NPEPPS: variants seen among roughly 807,000 people sequenced by gnomAD.
The protein encoded by NPEPPS is aminopeptidase puromycin sensitive, also known as puromycin-sensitive aminopeptidase.
NPEPPS carries 14 observed loss-of-function variants against 115.5 expected under a neutral mutation model. The ratio of observed to expected loss-of-function variants is 0.12; its 90% CI spans 0.08 to 0.19. The LOEUF is 0.19. Ranked by LOEUF, NPEPPS falls within the 10% of genes least tolerant of loss-of-function variation. The pLI is 1.00. For missense variants in NPEPPS, 523 were observed against 1,110.8 expected, an observed-to-expected ratio of 0.47 and a Z score of 7.52; for synonymous variants, 285 against 390.6, an observed-to-expected ratio of 0.73 and a Z score of 3.19.
At chr17:47,616,196 T>TA (rs1007156507) in intron 19 of NPEPPS, among the ~76,000 whole-genome samples, 3 of 152,112 alleles carry the variant, frequency 2.0e-5, no homozygotes, top group Admixed American at 6.6e-5. Context: ...CACAGCTAGT[T>TA]AGAGGCAAAA....
chr17:47,585,649 C>T lies in NPEPPS; in HGVS notation c.798C>T (p.Val266=), dbSNP rs752791856. The change falls in exon 6 of 23, where the codon GTC becomes GTT. Residue 266 remains valine (V), a synonymous_variant. Coordinates refer to ENST00000322157, the MANE Select transcript of NPEPPS (RefSeq NM_006310.4). ...CAAGGTCAAAAGATGGTGTGTGTGT[C>T]CGTGTTTACACTCCTGTTGGCAAAG... The part of the protein sequence containing the change: ...VETRSKDGVC[V]RVYTPVGKAE... 5 of 1,613,724 alleles carry T rather than the reference C, an allele frequency of 3.1e-6. No individual in the cohort carries two copies. Among genetic ancestry groups the T allele is most frequent in the Non-Finnish European group, 4.2e-6 (5 of 1,179,876 alleles).
At chr17:47,533,517 AT>A (rs1361191505) in intron 1 of NPEPPS, among the ~76,000 whole-genome samples, 1 of 149,880 alleles carries the variant, frequency 6.7e-6, no homozygotes. Context: ...TAAAAAAAAC[AT>A]TTGTTTCTTT....
intron 17 of NPEPPS, among the ~76,000 whole-genome samples, chr17:47,606,959 C>G (rs1000526490): frequency 3.9e-5 from 6 of 151,946 alleles, no homozygotes; most frequent in Admixed American, 3.9e-4. Flanking sequence ...CTTTGGGAGG[C>G]TGAGGCGGGT....
chr17:47,582,623 G>C, intron 4 of NPEPPS, 119 bp from the exon 5 acceptor site: 1 of 749,350 alleles, frequency 1.3e-6, no homozygotes. Context: ...TGGCACTGAA[G>C]AGAAAGTAAA....
At chr17:47,595,495 T>C (rs1305520719) in intron 12 of NPEPPS, among the ~76,000 whole-genome samples, 2 of 152,242 alleles carry the variant, frequency 1.3e-5, no homozygotes, top group Non-Finnish European at 2.9e-5. Context: ...TATCTTTTAT[T>C]ATAATTTGTA....
intron 1 of NPEPPS, among the ~76,000 whole-genome samples, chr17:47,523,301 C>G (rs1907292849): frequency 6.9e-6 from 1 of 145,724 alleles, no homozygotes; most frequent in African/African-American, 2.6e-5. Flanking sequence ...AATTCCTTTA[C>G]ATTATCTTTG....
At chr17:47,531,956 C>T (rs1907814923) in intron 1 of NPEPPS, among the ~76,000 whole-genome samples, 1 of 152,140 alleles carries the variant, frequency 6.6e-6, no homozygotes, top group African/African-American at 2.4e-5. Context: ...ATGGGAGTCC[C>T]CGCTCTGCCT....
At chr17:47,597,059 A>AT in intron 13 of NPEPPS, among the ~76,000 whole-genome samples, 1 of 152,122 alleles carries the variant, frequency 6.6e-6, no homozygotes, top group Non-Finnish European at 1.5e-5. Context: ...AAAAAAAAAA[A>AT]AAATCAATGT....
At chr17:47,589,748 C>A (rs1197991449) in intron 9 of NPEPPS, among the ~76,000 whole-genome samples, 1 of 152,128 alleles carries the variant, frequency 6.6e-6, no homozygotes, top group Non-Finnish European at 1.5e-5. Context: ...CATTACTGAA[C>A]TGCATTTTTG....
chr17:47,608,644 G>A (rs1042157747), intron 17 of NPEPPS, among the ~76,000 whole-genome samples: 1 of 152,128 alleles, frequency 6.6e-6, no homozygotes, highest in Non-Finnish European at 1.5e-5. Context: ...ATCAACCAGT[G>A]ACTGAGTGTA....
chr17:47,533,932 T>C (rs1908005107), intron 1 of NPEPPS, among the ~76,000 whole-genome samples: 1 of 152,212 alleles, frequency 6.6e-6, no homozygotes, highest in Non-Finnish European at 1.5e-5. Flanking sequence ...GATTGGACTT[T>C]TAAATTGTAC....
Position 47,605,449 on chromosome 17 carries a change from T to A in NPEPPS, c.1992T>A (p.Thr664=), listed in dbSNP as rs1351176388. ...DLSCNLGILS[T]LLSHTDFYEE... ...GCTGTAACCTGGGGATTCTCTCAAC[T>A]CTCTTGTCCCACACAGACTTCTATG... Residue 664 remains threonine, a synonymous_variant, in exon 17 of 23, where the codon ACT becomes ACA. Transcript: ENST00000322157. 1 of 1,609,666 alleles carries A rather than the reference T, an allele frequency of 6.2e-7. No homozygotes were observed. The highest frequency in any genetic ancestry group is 8.5e-7 in the Non-Finnish European group (1 of 1,177,788).
In NPEPPS at chr17:47,601,608, G is replaced by C; in HGVS notation, c.1601G>C (p.Gly534Ala). 3 of 1,613,024 alleles carry C rather than the reference G, an allele frequency of 1.9e-6. No homozygotes were observed. The highest frequency in any genetic ancestry group is 2.5e-6 in the Non-Finnish European group (3 of 1,179,568). ...KKFCAGGSYV[G>A]EDCPQWMVPI... ...ATTTGTTTGTTCTTCTCTGGCTTAG[G>C]TGAAGATTGTCCCCAGTGGATGGTC... The change falls in exon 15 of 23, where the codon GGT becomes GCT. Residue 534 changes from glycine to alanine, a missense_variant and splice_region_variant. Gly to Ala is a moderately conservative substitution (Grantham distance 60). This residue lies in a region of NPEPPS where 372 missense variants were observed against 542.6 expected (regional missense o/e 0.69). Transcript: ENST00000322157.
At chr17:47,540,034 C>T (rs1908638261) in intron 1 of NPEPPS, among the ~76,000 whole-genome samples, 1 of 152,122 alleles carries the variant, frequency 6.6e-6, no homozygotes, top group South Asian at 2.1e-4. Context: ...AGATATGTTC[C>T]TGAGTGACTG....
intron 1 of NPEPPS, among the ~76,000 whole-genome samples, chr17:47,531,893 C>G (rs1454209642): frequency 6.6e-6 from 1 of 152,166 alleles, no homozygotes; most frequent in East Asian, 1.9e-4. Flanking sequence ...CCCTTCTGGG[C>G]TTGATAGTGT....
chr17:47,605,316 G>A lies in NPEPPS; in HGVS notation c.1876-17G>A, dbSNP rs775872217. ...TTGTTTGAAGACTAGGTTAATTTAT[G>A]TTTTTTCCTATCCCAGGCTCGAGCT... On this transcript the variant is annotated splice_polypyrimidine_tract_variant and intron_variant, in intron 16 of 22. Transcript: ENST00000322157. The A allele has an allele frequency of 3.2e-6, 5 of 1,559,390 alleles. No homozygotes were observed. Among genetic ancestry groups the A allele is most frequent in the Admixed American group, 4.0e-5 (2 of 49,866 alleles).
intron 3 of NPEPPS, among the ~76,000 whole-genome samples, chr17:47,571,607 A>T (rs1024255670): frequency 2.6e-5 from 4 of 152,030 alleles, no homozygotes; most frequent in African/African-American, 9.7e-5. Flanking sequence ...AGTCCCAGCT[A>T]CTCGGGAGGC....
intron 12 of NPEPPS, 53 bp downstream of exon 12, chr17:47,592,598 C>T: frequency 6.9e-7 from 1 of 1,453,062 alleles, no homozygotes; most frequent in Non-Finnish European, 9.4e-7. Context: ...GTCACTCTAT[C>T]CAGGCTGGGA....
intron 19 of NPEPPS, among the ~76,000 whole-genome samples, chr17:47,617,921 C>G (rs1914311109): frequency 6.6e-6 from 1 of 152,140 alleles, no homozygotes; most frequent in Non-Finnish European, 1.5e-5. Flanking sequence ...GCTCTCTTGC[C>G]CAAACTGGAG....
Sources: allele counts gnomAD v4.1 joint callset (sites outside exome capture counted in the v4.1 genomes callset), GRCh38; gene constraint gnomAD v4.1.1; regional missense constraint gnomAD v4.1.1; transcripts MANE v1.5; gene names NCBI Gene and HGNC (gene_info 2026-07-23, HGNC 2026-07-21).